SMURF1: variants seen among roughly 807,000 people sequenced by gnomAD.
SMURF1 encodes the protein SMAD specific E3 ubiquitin protein ligase 1, also known as E3 ubiquitin-protein ligase SMURF1.
In SMURF1, 44 loss-of-function variants were observed where a neutral mutation model predicts 98.0. The observed-to-expected ratio is 0.45, with a 90% CI of 0.35 to 0.58. The LOEUF (loss-of-function observed/expected upper bound fraction) is 0.58. Ranked by LOEUF, SMURF1 falls within the 20% of genes least tolerant of loss-of-function variation. The pLI, the probability that SMURF1 is intolerant of heterozygous loss-of-function variation, is 0.00. For missense variants in SMURF1, 687 were observed against 938.4 expected, an observed-to-expected ratio of 0.73 and a Z score of 3.50; for synonymous variants, 396 against 374.9, an observed-to-expected ratio of 1.06 and a Z score of -0.65.
At chr7:99,064,946 C>T (rs1486491360) in intron 1 of SMURF1, among the ~76,000 whole-genome samples, 1 of 152,138 alleles carries the variant, frequency 6.6e-6, no homozygotes, top group Non-Finnish European at 1.5e-5. Flanking sequence ...GCTTATTTTT[C>T]CCATTAACAT....
At position 99,137,290 on chromosome 7, in the gene SMURF1, C is replaced by G. The variant is rs2150652032; in HGVS notation, c.55+6436G>C. Among the ~76,000 whole-genome samples, 3 of 152,282 alleles carry G rather than the reference C, an allele frequency of 2.0e-5. 1 individual carries two copies. The East Asian group carries it at 5.8e-4, about 29-fold the overall frequency. Reference sequence around the variant, plus strand: ...AATATTTAATCCATCTCTAGCAGGTCCTTTTGTGCTCTAAAAAGACAGATC... The same window carrying G: ...AATATTTAATCCATCTCTAGCAGGTGCTTTTGTGCTCTAAAAAGACAGATC... On this transcript the variant is annotated intron_variant, in intron 1 of 17. Transcript: ENST00000361368.
intron 1 of SMURF1, among the ~76,000 whole-genome samples, chr7:99,141,178 A>G (rs1376839796): frequency 6.6e-6 from 1 of 152,212 alleles, no homozygotes; most frequent in Non-Finnish European, 1.5e-5. Flanking sequence ...AAATTCCTCA[A>G]AGCATTCTTG....
intron 16 of SMURF1, among the ~76,000 whole-genome samples, chr7:99,035,064 C>G (rs1276642360): frequency 1.3e-5 from 2 of 152,248 alleles, no homozygotes; most frequent in Non-Finnish European, 2.9e-5. Context: ...CCGGCGACCT[C>G]AGTGGCTTAA....
intron 1 of SMURF1, among the ~76,000 whole-genome samples, chr7:99,063,778 C>CT (rs34393273): frequency 0.41 from 58,932 of 142,962 alleles, 14,391 homozygotes; most frequent in Non-Finnish European, 0.55. Context: ...TATCAATATA[C>CT]TTTTTTTTTT....
In SMURF1 at chr7:99,040,373, C is replaced by T; in HGVS notation, c.1550+5G>A. On this transcript the variant is annotated splice_donor_5th_base_variant and intron_variant, in intron 13 of 17. Coordinates refer to ENST00000361368, the MANE Select transcript of SMURF1 (RefSeq NM_181349.3). Reference sequence around the variant, plus strand: ...CCAGGTGACCGGCCGTCAGTCAATACTTACAGGATCCACACCAAGCTCTTA... The same window carrying T: ...CCAGGTGACCGGCCGTCAGTCAATATTTACAGGATCCACACCAAGCTCTTA... The T allele has an allele frequency of 6.6e-7, 1 of 1,504,086 alleles. No individual in the cohort carries two copies. Among genetic ancestry groups the T allele is most frequent in the Non-Finnish European group, 8.9e-7 (1 of 1,123,390 alleles). The allele number at this position is 1,504,086 out of a possible 1,614,324, so 93.2% of individuals were successfully genotyped here.
chr7:99,108,128 A>C (rs1245475076), intron 1 of SMURF1, among the ~76,000 whole-genome samples: 1 of 152,172 alleles, frequency 6.6e-6, no homozygotes, highest in East Asian at 1.9e-4. Context: ...CAACCTACTC[A>C]CAACATAAAG....
At chr7:99,051,990 A>C (rs545646020) in intron 7 of SMURF1, among the ~76,000 whole-genome samples, 1 of 152,318 alleles carries the variant, frequency 6.6e-6, no homozygotes, top group East Asian at 1.9e-4. Flanking sequence ...TCTACAAAAA[A>C]TACAAAAATT....
At chr7:99,051,035 CA>C in intron 8 of SMURF1, 2 of 1,487,222 alleles carry the variant, frequency 1.3e-6, no homozygotes, top group South Asian at 1.2e-5. Context: ...GAAAGGGTAA[CA>C]GAGTCTTTAT....
intron 9 of SMURF1, 37 bp downstream of exon 9, chr7:99,049,526 T>C (rs1261833393): frequency 6.2e-7 from 1 of 1,600,170 alleles, no homozygotes; most frequent in Non-Finnish European, 8.5e-7. Flanking sequence ...CGATTACCAA[T>C]GAAAGAGGTC....
chr7:99,029,069 TATTCTAGAACCTCAGCAGCCCAGAA>T lies in SMURF1; in HGVS notation c.*1490_*1514del, dbSNP rs1488639667. The T allele has an allele frequency of 6.5e-6, 1 of 152,720 alleles. No homozygotes were observed. Among genetic ancestry groups the T allele is most frequent in the Non-Finnish European group, 1.5e-5 (1 of 68,144 alleles). 9.5% of individuals were successfully genotyped at this position (152,720 alleles called of 1,614,324 possible). A position where few individuals can be genotyped will look rare whatever the true frequency, so the allele number is the denominator to read the frequency against. ...AGCAAACCTCATTTGGCAGCCCTTC[TATTCTAGAACCTCAGCAGCCCAGAA>T]ATTAACAGTGACAAAAAGAACAGAT... On this transcript the variant is annotated 3_prime_UTR_variant, in exon 18 of 18. Transcript: ENST00000361368.
chr7:99,079,258 T>A (rs1432694790), intron 1 of SMURF1, among the ~76,000 whole-genome samples: 1 of 152,212 alleles, frequency 6.6e-6, no homozygotes, highest in Non-Finnish European at 1.5e-5. Flanking sequence ...AGGCTCGTTC[T>A]CCATCTGCAA....
intron 3 of SMURF1, among the ~76,000 whole-genome samples, chr7:99,059,751 T>C (rs927581609): frequency 4.7e-4 from 71 of 150,782 alleles, no homozygotes; most frequent in Non-Finnish European, 9.0e-4. Context: ...CAACTAAAAA[T>C]ACAAAAATTA....
At chr7:99,081,148 G>A (rs1343652172) in intron 1 of SMURF1, 1 of 152,254 alleles carries the variant, frequency 6.6e-6, no homozygotes, top group African/African-American at 2.4e-5. Flanking sequence ...GGACGAGGAG[G>A]CCTTTAGCCT....
intron 1 of SMURF1, among the ~76,000 whole-genome samples, chr7:99,072,922 A>G (rs543382254): frequency 4.6e-5 from 7 of 152,236 alleles, no homozygotes; most frequent in Non-Finnish European, 7.3e-5. Flanking sequence ...TAAAATAATT[A>G]TGCTCAACTT....
rs899235565 is a variant in SMURF1, at chr7:99,055,921, A to G, written c.404-1056T>C. On this transcript the variant is annotated intron_variant, in intron 5 of 17. Coordinates refer to ENST00000361368, the MANE Select transcript of SMURF1 (RefSeq NM_181349.3). Reference sequence around the variant, plus strand: ...GCGGAGGTTGCAGTGAGCTAAGATCATGCCACTGCACTCCAGCCTGGGCGA... The same window carrying G: ...GCGGAGGTTGCAGTGAGCTAAGATCGTGCCACTGCACTCCAGCCTGGGCGA... Among the ~76,000 whole-genome samples the G allele has an allele frequency of 2.6e-5, 4 of 152,258 alleles. No individual in the cohort carries two copies. In the East Asian group the frequency reaches 5.8e-4, roughly 22 times the overall value.
intron 1 of SMURF1, among the ~76,000 whole-genome samples, chr7:99,119,320 T>A (rs1466430389): frequency 6.6e-6 from 1 of 152,174 alleles, no homozygotes; most frequent in East Asian, 1.9e-4. Context: ...AGCCATCTTG[T>A]ACAGTTTAAA....
At chr7:99,071,713 A>G (rs1041377313) in intron 1 of SMURF1, among the ~76,000 whole-genome samples, 1 of 152,182 alleles carries the variant, frequency 6.6e-6, no homozygotes, top group Non-Finnish European at 1.5e-5. Context: ...GTCTATCTAT[A>G]TAGGACAATT....
At chr7:99,099,363 G>T (rs1278519272) in intron 1 of SMURF1, among the ~76,000 whole-genome samples, 1 of 152,070 alleles carries the variant, frequency 6.6e-6, no homozygotes, top group Non-Finnish European at 1.5e-5. Flanking sequence ...TCACTCCACA[G>T]TATCTAACAC....
chr7:99,143,547 G>A (rs1403351239), intron 1 of SMURF1, among the ~76,000 whole-genome samples, 179 bp downstream of exon 1: 2 of 128,436 alleles, frequency 1.6e-5, no homozygotes, highest in Admixed American at 7.4e-5. Flanking sequence ...GGGCGGGGCC[G>A]GGCAACGGCG....
Sources: allele counts gnomAD v4.1 joint callset (sites outside exome capture counted in the v4.1 genomes callset), GRCh38; gene constraint gnomAD v4.1.1; transcripts MANE v1.5; gene names NCBI Gene and HGNC (gene_info 2026-07-23, HGNC 2026-07-21).